Variants in TYR observed in about 807,000 individuals in gnomAD.
The protein encoded by TYR is tyrosinase, also known as LB24-AB.
TYR carries 58 observed loss-of-function variants against 51.5 expected under a neutral mutation model. The ratio of observed to expected loss-of-function variants is 1.13; its 90% CI spans 0.91 to 1.40. TYR has a LOEUF of 1.40. Among genes scored for constraint, TYR ranks in the 40% most tolerant of loss-of-function variants. TYR has a pLI of 0.00. For missense variants in TYR, 732 were observed against 647.4 expected (o/e 1.13, Z -1.42); for synonymous variants, 263 against 235.2 (o/e 1.12, Z -1.08).
At chr11:89,263,108 G>A (rs938357429) in intron 3 of TYR, among the ~76,000 whole-genome samples, 1 of 151,552 alleles carries the variant, frequency 6.6e-6, no homozygotes, top group Non-Finnish European at 1.5e-5. Context: ...AAAATTCTAA[G>A]CAAAATACTG....
At chr11:89,256,984 T>C (rs1944400138) in intron 3 of TYR, among the ~76,000 whole-genome samples, 2 of 152,016 alleles carry the variant, frequency 1.3e-5, no homozygotes, top group Admixed American at 6.6e-5. Flanking sequence ...GCCTAAAGCA[T>C]GTTGAAACTT....
chr11:89,267,433 T>C (rs1361596221), intron 3 of TYR, among the ~76,000 whole-genome samples: 1 of 151,986 alleles, frequency 6.6e-6, no homozygotes, highest in Non-Finnish European at 1.5e-5. Context: ...CTTTCTTCCC[T>C]GAAAATTCCT....
intron 3 of TYR, among the ~76,000 whole-genome samples, chr11:89,245,533 T>G (rs1770775021): frequency 6.6e-6 from 1 of 152,184 alleles, no homozygotes; most frequent in African/African-American, 2.4e-5. Flanking sequence ...GCAGTGCAGT[T>G]ACTGCTGCAG....
chr11:89,271,584 T>G (rs1271874459), intron 3 of TYR, among the ~76,000 whole-genome samples: 1 of 151,934 alleles, frequency 6.6e-6, no homozygotes, highest in South Asian at 2.1e-4. Context: ...TGCTGACTGA[T>G]CAGGGTGATG....
chr11:89,227,817 G>A lies in TYR; in HGVS notation c.1037-6G>A. On this transcript the variant is annotated splice_polypyrimidine_tract_variant and splice_region_variant and intron_variant, in intron 2 of 4. Coordinates refer to ENST00000263321, the MANE Select transcript of TYR (RefSeq NM_000372.5). The stretch of plus-strand genomic sequence containing the variant: ...CATATTTTTTTCATTTTTTTTTAAT[G>A]AACAGGATTTGCTAGTCCACTTACT... The A allele has an allele frequency of 6.2e-7, 1 of 1,610,610 alleles. No homozygotes were observed. Among genetic ancestry groups the A allele is most frequent in the Non-Finnish European group, 8.5e-7 (1 of 1,178,808 alleles).
chr11:89,231,321 G>GTC (rs1187561787), intron 3 of TYR, among the ~76,000 whole-genome samples: 5 of 105,950 alleles, frequency 4.7e-5, no homozygotes, highest in African/African-American at 1.4e-4. Flanking sequence ...GGCATGTATC[G>GTC]AAAGGGAAAT....
chr11:89,270,922 T>C (rs1944580643), intron 3 of TYR, among the ~76,000 whole-genome samples: 1 of 151,800 alleles, frequency 6.6e-6, no homozygotes, highest in Admixed American at 6.6e-5. Flanking sequence ...TCGGCGAATT[T>C]CCCATATAGG....
intron 2 of TYR, among the ~76,000 whole-genome samples, chr11:89,205,315 A>G (rs1466570264): frequency 6.6e-6 from 1 of 152,164 alleles, no homozygotes; most frequent in Non-Finnish European, 1.5e-5. Context: ...TCCTAGAAAG[A>G]GGGGAGAAAA....
chr11:89,255,250 G>T (rs1424480485), intron 3 of TYR, among the ~76,000 whole-genome samples: 4 of 151,688 alleles, frequency 2.6e-5, no homozygotes, highest in Non-Finnish European at 5.9e-5. Context: ...CTATCTTGGA[G>T]AAAGGTCCAT....
intron 2 of TYR, among the ~76,000 whole-genome samples, chr11:89,212,855 T>C (rs1943779008): frequency 6.6e-6 from 1 of 152,176 alleles, no homozygotes; most frequent in African/African-American, 2.4e-5. Flanking sequence ...ATTATCTCCA[T>C]AGATGCAGAA....
At chr11:89,264,744 A>AAAC (rs1944505118) in intron 3 of TYR, among the ~76,000 whole-genome samples, 1 of 151,416 alleles carries the variant, frequency 6.6e-6, no homozygotes, top group Non-Finnish European at 1.5e-5. Context: ...CCAAAAAAAA[A>AAAC]AAACAAACAA....
intron 3 of TYR, among the ~76,000 whole-genome samples, chr11:89,230,627 T>C (rs1457823790): frequency 6.6e-6 from 1 of 152,062 alleles, no homozygotes; most frequent in Non-Finnish European, 1.5e-5. Context: ...TTGCAAACTA[T>C]ACCTCTGATA....
chr11:89,272,150 C>T (rs144650507), intron 3 of TYR, among the ~76,000 whole-genome samples: 3,677 of 151,942 alleles, frequency 0.024, 60 homozygotes, highest in Non-Finnish European at 0.035. Flanking sequence ...ATAGTTAATC[C>T]CTTCCAAAAG....
At chr11:89,216,933 A>G (rs1486642480) in intron 2 of TYR, among the ~76,000 whole-genome samples, 4 of 152,162 alleles carry the variant, frequency 2.6e-5, no homozygotes, top group Non-Finnish European at 4.4e-5. Context: ...TTTAGCTTAA[A>G]CTGGAAGATG....
At chr11:89,239,731 AGTTT>A (rs1048605707) in intron 3 of TYR, among the ~76,000 whole-genome samples, 8 of 152,128 alleles carry the variant, frequency 5.3e-5, no homozygotes, top group Admixed American at 4.6e-4. Context: ...AAGTTTTAGT[AGTTT>A]GTGTTTCCAT....
intron 1 of TYR, among the ~76,000 whole-genome samples, chr11:89,190,383 G>GCT (rs1248791266): frequency 6.6e-6 from 1 of 152,062 alleles, no homozygotes; most frequent in African/African-American, 2.4e-5. Flanking sequence ...GTAGGCCTAT[G>GCT]CTAGTGTGTA....
At chr11:89,208,077 G>A (rs1482374557) in intron 2 of TYR, among the ~76,000 whole-genome samples, 1 of 152,124 alleles carries the variant, frequency 6.6e-6, no homozygotes, top group East Asian at 1.9e-4. Flanking sequence ...GACCATCCTG[G>A]CTAACACAGT....
intron 1 of TYR, among the ~76,000 whole-genome samples, chr11:89,182,720 A>G (rs1359866567): frequency 3.3e-5 from 5 of 152,146 alleles, no homozygotes; most frequent in Non-Finnish European, 7.4e-5. Flanking sequence ...AGTTCATTAT[A>G]TTTGGAGGTG....
At position 89,188,317 on chromosome 11, in the gene TYR, G is replaced by A. The variant is rs1038403756; in HGVS notation, c.820-2885G>A. 5.3e-5 allele frequency among the ~76,000 whole-genome samples: 8 copies of A among 151,924 alleles called. 1 individual carries two copies. The South Asian group carries it at 1.7e-3, about 31-fold the overall frequency. ...TTTATCGTGTTCAGTATGTATTCTTGTATTCTGGTATAATGCCTGACACAT... is the reference window on the plus strand; with the variant it reads ...TTTATCGTGTTCAGTATGTATTCTTATATTCTGGTATAATGCCTGACACAT... On this transcript the variant is annotated intron_variant, in intron 1 of 4. Coordinates refer to ENST00000263321, the MANE Select transcript of TYR (RefSeq NM_000372.5).
Sources: allele counts gnomAD v4.1 joint callset (sites outside exome capture counted in the v4.1 genomes callset), GRCh38; gene constraint gnomAD v4.1.1; transcripts MANE v1.5; gene names NCBI Gene and HGNC (gene_info 2026-07-23, HGNC 2026-07-21).